Variants in SOD2 observed in about 807,000 individuals in gnomAD.
SOD2 encodes the protein superoxide dismutase 2, also known as superoxide dismutase [Mn], mitochondrial.
Under a neutral mutation model 27.0 loss-of-function variants are expected in SOD2, and 11 were observed. The ratio of observed to expected loss-of-function variants is 0.41; its 90% CI spans 0.26 to 0.67. The LOEUF (loss-of-function observed/expected upper bound fraction) is 0.67, where lower values mean the gene tolerates loss of function less well. SOD2 is among the 30% of genes least tolerant of loss of function. The pLI is 0.34. For missense variants in SOD2, 250 were observed against 274.5 expected (o/e 0.91, Z 0.63); for synonymous variants, 105 against 103.0 (o/e 1.02, Z -0.12).
rs961097160 is a variant in SOD2 at position 159,673,679 on chromosome 6, T to C, written c.*8814A>G. The C allele has an allele frequency of 3.3e-5, 5 of 152,050 alleles. No homozygotes were observed. The highest frequency in any genetic ancestry group is 7.4e-5 in the Non-Finnish European group (5 of 68,014). 9.4% of individuals were successfully genotyped at this position (152,050 alleles called of 1,614,324 possible). A position where few individuals can be genotyped will look rare whatever the true frequency, so the allele number is the denominator to read the frequency against. On this transcript the variant is annotated 3_prime_UTR_variant, in exon 5 of 5. Transcript: ENST00000538183. ...TAAAATTGACACTCTAACATCACAATTAAAAATATTAGAGAAGCAAGAGCA... is the reference window on the plus strand; with the variant it reads ...TAAAATTGACACTCTAACATCACAACTAAAAATATTAGAGAAGCAAGAGCA...
exon 1 of SOD2, chr6:159,761,710 A>C (rs1370014016): frequency 8.0e-6 from 3 of 373,202 alleles, no homozygotes; most frequent in Non-Finnish European, 1.6e-5. Flanking sequence ...TTTAAAAAAA[A>C]GCCCAAGACG....
chr6:159,684,716 A>C, intron 4 of SOD2, 138 bp downstream of exon 4: 1 of 562,962 alleles, frequency 1.8e-6, no homozygotes, highest in Non-Finnish European at 3.0e-6. Flanking sequence ...TTTTACTTAC[A>C]CAAGACTCTG....
intron 1 of SOD2, among the ~76,000 whole-genome samples, chr6:159,758,773 A>T (rs1780065708): frequency 6.6e-6 from 1 of 152,176 alleles, no homozygotes; most frequent in Admixed American, 6.5e-5. Flanking sequence ...CCCCTCATGG[A>T]GACCAAGGAG....
chr6:159,724,603 T>A (rs1262722927), intron 1 of SOD2, among the ~76,000 whole-genome samples: 1 of 152,094 alleles, frequency 6.6e-6, no homozygotes. Flanking sequence ...CTCACACCTA[T>A]AATCCCAGCA....
upstream of SOD2, chr6:159,749,459 T>G: frequency 1.0e-6 from 1 of 980,912 alleles, no homozygotes; most frequent in Non-Finnish European, 1.2e-6. Flanking sequence ...AAGAATATTA[T>G]GATGATTTTG....
At position 159,672,023 on chromosome 6, in the gene SOD2, G is replaced by A. The variant is rs1356320861; in HGVS notation, c.*10470C>T. 6.6e-6 allele frequency: 1 copy of A among 152,156 alleles called. No homozygotes were observed. Among genetic ancestry groups the A allele is most frequent in the Non-Finnish European group, 1.5e-5 (1 of 68,036 alleles). The allele number at this position is 152,156 out of a possible 1,614,324, so 9.4% of individuals were successfully genotyped here. A position where few individuals can be genotyped will look rare whatever the true frequency, so the allele number is the denominator to read the frequency against. On this transcript the variant is annotated 3_prime_UTR_variant, in exon 5 of 5. Transcript: ENST00000538183. ...GAAGATCAGATGAATGAAATGAAGT[G>A]AGAAGAGAAGTTAAGAGAAAAAAGA...
chr6:159,694,755 C>A (rs2114799809), upstream of SOD2, among the ~76,000 whole-genome samples: 1 of 117,990 alleles, frequency 8.5e-6, no homozygotes, highest in Admixed American at 1.0e-4. Context: ...ACCTCCACGC[C>A]CCACTATTTT....
exon 1 of SOD2, chr6:159,761,906 C>G (rs1780140337): frequency 4.2e-6 from 2 of 477,396 alleles, no homozygotes; most frequent in Non-Finnish European, 3.3e-6. Context: ...GCGCCTCCGC[C>G]CGCCCCTGCT....
chr6:159,727,661 G>C, upstream of SOD2: 1 of 985,308 alleles, frequency 1.0e-6, no homozygotes, highest in Non-Finnish European at 1.2e-6. Flanking sequence ...CGCGGCCTCG[G>C]CCTATGCGAC....
chr6:159,727,377 C>CAGGAGGCGGGAGGCGGGAGGG, upstream of SOD2: 2 of 536,502 alleles, frequency 3.7e-6, no homozygotes, highest in South Asian at 2.8e-5. Flanking sequence ...GGGAGGCTGG[C>CAGGAGGCGGGAGGCGGGAGGG]GGGAGGCGGG....
At chr6:159,711,211 GATCACCATAACC>G (rs1583037188) in intron 1 of SOD2, among the ~76,000 whole-genome samples, 1 of 72,990 alleles carries the variant, frequency 1.4e-5, no homozygotes, top group Admixed American at 1.2e-4. Flanking sequence ...ACATTGCTCT[GATCACCATAACC>G]ACCTCCACAA....
intron 1 of SOD2, chr6:159,753,403 A>C: frequency 6.2e-7 from 1 of 1,611,354 alleles, no homozygotes; most frequent in Non-Finnish European, 8.5e-7. Context: ...TAATAATTGT[A>C]AGCAAAGACA....
intron 1 of SOD2, among the ~76,000 whole-genome samples, chr6:159,703,520 C>T (rs750056191): frequency 2.1e-4 from 32 of 151,394 alleles, no homozygotes; most frequent in South Asian, 4.2e-4. Flanking sequence ...AATGACATGA[C>T]GAAACTCCTA....
intron 1 of SOD2, chr6:159,760,509 G>C (rs945870385): frequency 2.0e-5 from 3 of 152,246 alleles, no homozygotes; most frequent in African/African-American, 7.2e-5. Context: ...GACCTCAAAT[G>C]ATCCGCCCTC....
upstream of SOD2, among the ~76,000 whole-genome samples, chr6:159,728,094 G>A (rs969867752): frequency 6.6e-6 from 1 of 152,156 alleles, no homozygotes; most frequent in Non-Finnish European, 1.5e-5. Flanking sequence ...GTTCAGCAAG[G>A]AAAAAAAGAA....
At chr6:159,728,507 T>G (rs985050600), upstream of SOD2, among the ~76,000 whole-genome samples, 11 of 152,252 alleles carry the variant, frequency 7.2e-5, no homozygotes, top group Non-Finnish European at 1.2e-4. Context: ...TTGTGCCTAT[T>G]TTATCTAGTT....
intron 1 of SOD2, among the ~76,000 whole-genome samples, chr6:159,739,549 C>T (rs1779117618): frequency 1.3e-5 from 2 of 152,120 alleles, no homozygotes; most frequent in South Asian, 2.1e-4. Context: ...TTGTCAAGTA[C>T]AACGTATAAT....
intron 1 of SOD2, among the ~76,000 whole-genome samples, chr6:159,716,571 AG>A (rs1160231830): frequency 8.5e-5 from 13 of 152,222 alleles, no homozygotes; most frequent in African/African-American, 3.1e-4. Context: ...TCTGCCTGCA[AG>A]AAGACTGAGC....
chr6:159,695,650 A>G (rs1358652686), upstream of SOD2, among the ~76,000 whole-genome samples: 4 of 152,156 alleles, frequency 2.6e-5, no homozygotes, highest in Non-Finnish European at 5.9e-5. Context: ...GCATACCACC[A>G]TGCCTGGCTA....
Sources: gnomAD v4.1 joint callset for allele counts (sites outside exome capture counted in the v4.1 genomes callset) on GRCh38, gnomAD v4.1.1 for gene constraint, MANE v1.5 for transcripts, NCBI Gene and HGNC (gene_info 2026-07-23, HGNC 2026-07-21) for gene names.